The following NLGN1 variants were observed in gnomAD, a reference collection of about 807,000 sequenced individuals.
NLGN1 encodes the protein neuroligin-1.
In NLGN1, 12 loss-of-function variants were observed where a neutral mutation model predicts 65.5. The ratio of observed to expected loss-of-function variants is 0.18; its 90% CI spans 0.12 to 0.30. The LOEUF is 0.30. Among genes scored for constraint, NLGN1 ranks in the 10% least tolerant of loss-of-function variants. The pLI is 1.00. For synonymous variants in NLGN1, 350 were observed against 359.5 expected (o/e 0.97, Z 0.30); for missense variants, 750 against 1,007.1 (o/e 0.74, Z 3.46).
chr3:174,031,518 G>A (rs1025531157), intron 4 of NLGN1, among the ~76,000 whole-genome samples: 10 of 152,194 alleles, frequency 6.6e-5, no homozygotes, highest in South Asian at 2.1e-4. Context: ...AGGAGAAAAC[G>A]ACAACAAGCC....
intron 3 of NLGN1, among the ~76,000 whole-genome samples, chr3:173,666,733 T>C (rs1761750605): frequency 6.6e-6 from 1 of 152,216 alleles, no homozygotes; most frequent in South Asian, 2.1e-4. Flanking sequence ...AAAGTTCATT[T>C]GCATGAATAC....
rs1441657513 is a variant in NLGN1 at position 173,525,232 on chromosome 3, TG to T, written c.-320-79046del. 5.2e-4 allele frequency among the ~76,000 whole-genome samples: 24 copies of T among 46,184 alleles called. No homozygotes were observed. The East Asian group carries it at 0.016, about 31-fold the overall frequency. The allele number at this position is 46,184 out of a possible 152,430, so 30.3% of individuals were successfully genotyped here. A position where few individuals can be genotyped will look rare whatever the true frequency, so the allele number is the denominator to read the frequency against. ...TCTGTCTGGTCCTGGGTGGGTTTTT[TG>T]TTGTTGTTGTTGTTGTTGTTGTTGT... On this transcript the variant is annotated intron_variant, in intron 2 of 6. Coordinates refer to ENST00000457714, the Ensembl canonical transcript of NLGN1.
rs374858942 is a variant in NLGN1, at chr3:173,918,198, G to A, written c.646+110366G>A. On this transcript the variant is annotated intron_variant, in intron 4 of 6. Transcript: ENST00000457714. Reference sequence around the variant, plus strand: ...GCTTGAACTTTGTAGTTCTTTAAACGTATTTATGTGAAATCTTAACTGTGC... The same window carrying A: ...GCTTGAACTTTGTAGTTCTTTAAACATATTTATGTGAAATCTTAACTGTGC... Among the ~76,000 whole-genome samples, 15 of 152,052 alleles carry A rather than the reference G, an allele frequency of 9.9e-5. 1 individual carries two copies. The South Asian group carries it at 2.3e-3, about 23-fold the overall frequency.
intron 3 of NLGN1, among the ~76,000 whole-genome samples, chr3:173,730,331 C>CCCCCG (rs1553822136): frequency 7.6e-6 from 1 of 130,796 alleles, no homozygotes; most frequent in African/African-American, 2.8e-5. Context: ...CTCCCCCCCC[C>CCCCCG]CCGCAAAAAT....
chr3:173,446,301 G>T (rs1308669738), intron 2 of NLGN1, among the ~76,000 whole-genome samples: 1 of 149,144 alleles, frequency 6.7e-6, no homozygotes, highest in Non-Finnish European at 1.5e-5. Context: ...ACCTATGAGT[G>T]AGAACATGCG....
intron 4 of NLGN1, among the ~76,000 whole-genome samples, chr3:173,816,587 T>C (rs1184832457): frequency 6.6e-6 from 1 of 152,250 alleles, no homozygotes; most frequent in African/African-American, 2.4e-5. Flanking sequence ...CTTAACCCAC[T>C]CTAGTGGCTT....
At chr3:173,422,146 T>TAC (rs1553846239) in intron 1 of NLGN1, among the ~76,000 whole-genome samples, 118 of 130,316 alleles carry the variant, frequency 9.1e-4, no homozygotes, top group Non-Finnish European at 1.5e-3. Context: ...ACACTATATA[T>TAC]ACACACACAC....
intron 4 of NLGN1, among the ~76,000 whole-genome samples, chr3:174,225,946 A>G (rs1289911295): frequency 6.6e-6 from 1 of 152,152 alleles, no homozygotes; most frequent in Non-Finnish European, 1.5e-5. Flanking sequence ...CCCATATAAC[A>G]TCTAGTAAAA....
intron 3 of NLGN1, among the ~76,000 whole-genome samples, chr3:173,682,152 AT>A (rs1764030280): frequency 6.6e-6 from 1 of 152,136 alleles, no homozygotes; most frequent in African/African-American, 2.4e-5. Flanking sequence ...TGCCCACATC[AT>A]TGAGTTTTGA....
chr3:174,202,271 C>T (rs1228727874), intron 4 of NLGN1, among the ~76,000 whole-genome samples: 1 of 152,148 alleles, frequency 6.6e-6, no homozygotes, highest in African/African-American at 2.4e-5. Flanking sequence ...GTTCCCTGCT[C>T]CTCTTAAATA....
chr3:173,786,475 T>A (rs1203124960), intron 3 of NLGN1, among the ~76,000 whole-genome samples: 2 of 152,134 alleles, frequency 1.3e-5, no homozygotes, highest in African/African-American at 4.8e-5. Context: ...GTATTGAAAA[T>A]CATTCTTTCT....
chr3:174,194,580 A>G (rs1032522445), intron 4 of NLGN1, among the ~76,000 whole-genome samples: 54 of 152,040 alleles, frequency 3.6e-4, no homozygotes, highest in Non-Finnish European at 6.9e-4. Flanking sequence ...CAGATGTACA[A>G]AAATCATCAG....
At chr3:173,814,333 A>G (rs1718594440) in intron 4 of NLGN1, among the ~76,000 whole-genome samples, 1 of 152,254 alleles carries the variant, frequency 6.6e-6, no homozygotes, top group African/African-American at 2.4e-5. Context: ...TCTCTCAAAT[A>G]TGTTATGTCA....
intron 4 of NLGN1, among the ~76,000 whole-genome samples, chr3:173,940,336 G>A (rs1409882181): frequency 6.6e-6 from 1 of 151,934 alleles, no homozygotes; most frequent in Non-Finnish European, 1.5e-5. Flanking sequence ...TGATCTGCCT[G>A]CCTCGGCCTC....
intron 2 of NLGN1, among the ~76,000 whole-genome samples, chr3:173,537,625 T>C (rs1498639): frequency 6.6e-6 from 1 of 152,172 alleles, no homozygotes; most frequent in East Asian, 1.9e-4. Flanking sequence ...TACTTTCTTC[T>C]ACTATGCATT....
chr3:173,896,884 T>C (rs1224181014), intron 4 of NLGN1, among the ~76,000 whole-genome samples: 1 of 152,146 alleles, frequency 6.6e-6, no homozygotes. Context: ...GTCTCTTCCT[T>C]GCCACACTCA....
chr3:173,554,973 T>C (rs1331775834), intron 2 of NLGN1, among the ~76,000 whole-genome samples: 1 of 152,198 alleles, frequency 6.6e-6, no homozygotes, highest in African/African-American at 2.4e-5. Flanking sequence ...TTGTATCTCA[T>C]TGTGGTTTTT....
intron 4 of NLGN1, among the ~76,000 whole-genome samples, chr3:174,110,885 C>T (rs369130018): frequency 2.6e-5 from 4 of 151,900 alleles, no homozygotes; most frequent in African/African-American, 7.2e-5. Flanking sequence ...ATAAGAAATA[C>T]GTGATTTTAG....
intron 4 of NLGN1, among the ~76,000 whole-genome samples, chr3:174,196,042 C>A (rs1233781616): frequency 6.6e-6 from 1 of 152,160 alleles, no homozygotes; most frequent in Non-Finnish European, 1.5e-5. Flanking sequence ...TAAATTGAAT[C>A]TTAGGTAAGC....
Sources: allele counts gnomAD v4.1 joint callset (sites outside exome capture counted in the v4.1 genomes callset), GRCh38; gene constraint gnomAD v4.1.1; transcripts MANE v1.5; gene names NCBI Gene and HGNC (gene_info 2026-07-23, HGNC 2026-07-21).